RABGAP1L: variants seen among roughly 807,000 people sequenced by gnomAD.
RABGAP1L encodes the protein RAB GTPase activating protein 1 like, also known as rab GTPase-activating protein 1-like.
In RABGAP1L, 63 loss-of-function variants were observed where a neutral mutation model predicts 137.7. That is an observed-to-expected ratio of 0.46 (90% CI 0.37 to 0.56). The LOEUF is 0.56. Ranked by LOEUF, RABGAP1L falls within the 20% of genes least tolerant of loss-of-function variation. The probability of loss-of-function intolerance (pLI) is 0.00; values close to 1 mark genes in which losing one functional copy is unlikely to be tolerated. For missense variants in RABGAP1L, 1,095 were observed against 1,244.0 expected, an observed-to-expected ratio of 0.88 and a Z score of 1.80; for synonymous variants, 431 against 433.7, an observed-to-expected ratio of 0.99 and a Z score of 0.08.
intron 1 of RABGAP1L, among the ~76,000 whole-genome samples, chr1:174,164,156 T>C (rs138547177): frequency 0.013 from 1,956 of 151,754 alleles, 41 homozygotes; most frequent in African/African-American, 0.043. Flanking sequence ...GAGTGTGTTA[T>C]ATCCTTCAGG....
At chr1:174,800,306 C>G in intron 18 of RABGAP1L, 1 of 1,542,246 alleles carries the variant, frequency 6.5e-7, no homozygotes, top group South Asian at 1.2e-5. Flanking sequence ...ATCCATCTTT[C>G]TCATTCTGGA....
At chr1:174,930,520 T>C (rs1663617853) in intron 19 of RABGAP1L, among the ~76,000 whole-genome samples, 1 of 152,166 alleles carries the variant, frequency 6.6e-6, no homozygotes, top group African/African-American at 2.4e-5. Flanking sequence ...TTTCACTGTG[T>C]TCTCCAGGCT....
intron 13 of RABGAP1L, among the ~76,000 whole-genome samples, chr1:174,492,687 C>T (rs1660372523): frequency 6.6e-6 from 1 of 152,024 alleles, no homozygotes; most frequent in Admixed American, 6.6e-5. Flanking sequence ...TTCTTATCTC[C>T]ACCCACCCTG....
chr1:174,181,934 TAAG>T (rs1238152755), intron 1 of RABGAP1L, among the ~76,000 whole-genome samples: 1 of 152,194 alleles, frequency 6.6e-6, no homozygotes, highest in African/African-American at 2.4e-5. Flanking sequence ...CTCCCTAATT[TAAG>T]AAGATATTTT....
At chr1:174,572,631 T>C (rs1668068271) in intron 13 of RABGAP1L, among the ~76,000 whole-genome samples, 1 of 152,170 alleles carries the variant, frequency 6.6e-6, no homozygotes, top group Non-Finnish European at 1.5e-5. Context: ...TCTGCCCTCC[T>C]CTGCCTCCCA....
intron 18 of RABGAP1L, among the ~76,000 whole-genome samples, chr1:174,777,232 G>C (rs574711381): frequency 8.5e-5 from 13 of 152,112 alleles, no homozygotes; most frequent in Non-Finnish European, 1.6e-4. Flanking sequence ...ATAGCACATG[G>C]TCCAGACCTT....
rs191544040 is a variant in RABGAP1L, at chr1:174,298,028, A to G, written c.1324-6958A>G. Among the ~76,000 whole-genome samples, 1,033 of 152,238 alleles carry G rather than the reference A, an allele frequency of 6.8e-3. 1 individual carries two copies. The highest frequency in any genetic ancestry group is 9.8e-3 in the Non-Finnish European group (665 of 68,002). On this transcript the variant is annotated intron_variant, in intron 10 of 25. Transcript: ENST00000681986. ...ACAGAGACACAGTCACCTATCAGTG[A>G]AGAGAGGACAGAGGAGAAAAAAGGA...
rs60690186 is a variant in RABGAP1L at position 174,772,567 on chromosome 1, CAAAAAA to C, written c.2211+20233_2211+20238del. Among the ~76,000 whole-genome samples the C allele has an allele frequency of 3.0e-4, 16 of 53,066 alleles. No individual in the cohort carries two copies. In the East Asian group the frequency reaches 8.3e-3, roughly 27 times the overall value. 34.8% of individuals were successfully genotyped at this position (53,066 alleles called of 152,430 possible). A position where few individuals can be genotyped will look rare whatever the true frequency, so the allele number is the denominator to read the frequency against. ...TGGGCAACAGAGCAAGACTCCATCTCAAAAAAAAAAAAAAAAAAAAAAAAAGTACAG... is the reference window on the plus strand; with the variant it reads ...TGGGCAACAGAGCAAGACTCCATCTCAAAAAAAAAAAAAAAAAAAGTACAG... On this transcript the variant is annotated intron_variant, in intron 18 of 25. Transcript: ENST00000681986.
At chr1:174,843,980 G>A (rs1693770097) in intron 19 of RABGAP1L, among the ~76,000 whole-genome samples, 10 of 137,468 alleles carry the variant, frequency 7.3e-5, no homozygotes, top group African/African-American at 2.5e-4. Flanking sequence ...GATGGCCAGT[G>A]ATGATGAGCA....
At chr1:174,610,200 T>C (rs1438591350) in intron 13 of RABGAP1L, among the ~76,000 whole-genome samples, 3 of 125,686 alleles carry the variant, frequency 2.4e-5, no homozygotes, top group East Asian at 2.8e-4. Context: ...TGCTATCCCT[T>C]CCCCCTCCCC....
intron 14 of RABGAP1L, among the ~76,000 whole-genome samples, chr1:174,677,159 C>CAAAAAAAAAA (rs10636911): frequency 2.5e-4 from 31 of 126,350 alleles, no homozygotes; most frequent in African/African-American, 8.7e-4. Flanking sequence ...CCATCTCTAC[C>CAAAAAAAAAA]AAAAAAAAAA....
At chr1:174,275,722 T>A in intron 8 of RABGAP1L, 111 bp from the exon 9 acceptor site, 1 of 700,486 alleles carries the variant, frequency 1.4e-6, no homozygotes, top group East Asian at 2.9e-5. Context: ...AAGCTCCTGC[T>A]TGACTGTTAA....
At chr1:174,386,938 G>C (rs972206469) in intron 12 of RABGAP1L, among the ~76,000 whole-genome samples, 4 of 152,178 alleles carry the variant, frequency 2.6e-5, no homozygotes, top group African/African-American at 9.7e-5. Flanking sequence ...GAGAATGGCA[G>C]TATGGTGGGT....
At chr1:174,779,799 C>A (rs1044505211) in intron 18 of RABGAP1L, among the ~76,000 whole-genome samples, 2 of 152,086 alleles carry the variant, frequency 1.3e-5, no homozygotes, top group African/African-American at 4.8e-5. Context: ...ACAAAAGCCC[C>A]ATATTTCCCA....
chr1:174,431,391 T>C (rs572369313), intron 13 of RABGAP1L, among the ~76,000 whole-genome samples: 3 of 152,204 alleles, frequency 2.0e-5, no homozygotes, highest in Non-Finnish European at 2.9e-5. Flanking sequence ...TTGTAAGCCA[T>C]GGGAAATGTA....
intron 13 of RABGAP1L, among the ~76,000 whole-genome samples, chr1:174,458,755 G>A (rs1055691223): frequency 7.9e-5 from 12 of 151,954 alleles, no homozygotes; most frequent in African/African-American, 2.4e-4. Context: ...TAAGCATGGA[G>A]TCAGTAATAA....
intron 15 of RABGAP1L, among the ~76,000 whole-genome samples, chr1:174,686,861 A>G (rs1572810150): frequency 6.6e-6 from 1 of 151,378 alleles, no homozygotes; most frequent in South Asian, 2.1e-4. Context: ...GAGTTTCACC[A>G]TGTTAGCCAG....
intron 13 of RABGAP1L, among the ~76,000 whole-genome samples, chr1:174,517,864 A>G (rs1412124937): frequency 6.6e-6 from 1 of 152,160 alleles, no homozygotes; most frequent in Non-Finnish European, 1.5e-5. Flanking sequence ...ATCGTTCTTT[A>G]TATATGCTTG....
rs922058742 is a variant in RABGAP1L, at chr1:174,467,723, C to T, written c.1710+73578C>T. ...TGGTTATCACACTTCTACTAAGTGG[C>T]GGAATCTATAGAATTTGAATCCAGC... is the stretch of plus-strand genomic sequence containing the variant. On this transcript the variant is annotated intron_variant, in intron 13 of 25. Transcript: ENST00000681986. Among the ~76,000 whole-genome samples the T allele has an allele frequency of 6.6e-5, 10 of 152,052 alleles. 1 individual carries two copies. The highest frequency in any genetic ancestry group is 1.5e-4 in the Non-Finnish European group (10 of 67,988).
Sources: gnomAD v4.1 joint callset for allele counts (sites outside exome capture counted in the v4.1 genomes callset) on GRCh38, gnomAD v4.1.1 for gene constraint, MANE v1.5 for transcripts, NCBI Gene and HGNC (gene_info 2026-07-23, HGNC 2026-07-21) for gene names.